RPTOR: variants seen among roughly 807,000 people sequenced by gnomAD.
RPTOR encodes regulatory-associated protein of mTOR.
Under a neutral mutation model 169.9 loss-of-function variants are expected in RPTOR, and 21 were observed. The ratio of observed to expected loss-of-function variants is 0.12; its 90% confidence interval spans 0.09 to 0.18. The LOEUF is 0.18. Among genes scored for constraint, RPTOR ranks in the 10% least tolerant of loss-of-function variants. The pLI is 1.00. For missense variants in RPTOR, 1,133 were observed against 1,855.9 expected (o/e 0.61, Z 7.16); for synonymous variants, 732 against 753.2 (o/e 0.97, Z 0.46).
rs2069297417 is a variant in RPTOR, at chr17:80,959,072, G to A, written c.3478-1006G>A. On this transcript the variant is annotated intron_variant, in intron 29 of 33. Coordinates refer to ENST00000306801, the MANE Select transcript of RPTOR (RefSeq NM_020761.3). This position sits in a 1 kb window ranked among gnomAD's most constrained non-coding sequence, Gnocchi z 6.7. The stretch of plus-strand genomic sequence containing the variant: ...GCAGGCCCAGCAGAGGGGAGGCCTG[G>A]GCACCCTCAGCTGCTCGAAGCTGCT... Among the ~76,000 whole-genome samples the A allele has an allele frequency of 6.6e-6, 1 of 152,240 alleles. No homozygotes were observed. Among genetic ancestry groups the A allele is most frequent in the South Asian group, 2.1e-4 (1 of 4,832 alleles).
chr17:80,624,373 A>C (rs970832262), intron 1 of RPTOR, among the ~76,000 whole-genome samples: 5 of 152,238 alleles, frequency 3.3e-5, no homozygotes, highest in African/African-American at 1.2e-4. Context: ...AGTTCAGTGC[A>C]ATTTTAATAA....
At chr17:80,830,970 C>T (rs2067497425) in intron 9 of RPTOR, among the ~76,000 whole-genome samples, 1 of 152,108 alleles carries the variant, frequency 6.6e-6, no homozygotes, top group African/African-American at 2.4e-5. Context: ...GTCTTGAACT[C>T]CTGAGCTCAG....
chr17:80,804,084 A>G (rs2067192169), intron 7 of RPTOR, among the ~76,000 whole-genome samples: 1 of 152,260 alleles, frequency 6.6e-6, no homozygotes, highest in African/African-American at 2.4e-5. Flanking sequence ...AGTCTGACTC[A>G]GACCACTGCA....
At chr17:80,597,216 C>T (rs1346846429) in intron 1 of RPTOR, among the ~76,000 whole-genome samples, 1 of 152,012 alleles carries the variant, frequency 6.6e-6, no homozygotes, top group African/African-American at 2.4e-5. Flanking sequence ...GGGAGAGCCT[C>T]GTAGAGGGGA....
At chr17:80,906,115 G>A (rs375870261) in intron 20 of RPTOR, among the ~76,000 whole-genome samples, 4 of 152,072 alleles carry the variant, frequency 2.6e-5, no homozygotes, top group South Asian at 2.1e-4. Context: ...GGAGCTAGGC[G>A]GTAGCGAACT....
At chr17:80,737,344 T>G (rs934769223) in intron 5 of RPTOR, among the ~76,000 whole-genome samples, 15 of 152,262 alleles carry the variant, frequency 9.9e-5, no homozygotes, top group African/African-American at 2.6e-4. Flanking sequence ...TTCTCTGGGC[T>G]CTAAATGACT....
intron 10 of RPTOR, 145 bp from the exon 11 acceptor site, chr17:80,846,328 C>A: frequency 2.7e-6 from 2 of 739,896 alleles, no homozygotes; most frequent in South Asian, 3.4e-5. Flanking sequence ...CCAGAGCGCC[C>A]GCTTCTCAGC....
chr17:80,624,719 A>G lies in RPTOR; in HGVS notation c.163-972A>G, dbSNP rs2065379781. Among the ~76,000 whole-genome samples the G allele has an allele frequency of 2.0e-5, 3 of 152,244 alleles. No homozygotes were observed. In the South Asian group the frequency reaches 6.2e-4, roughly 31 times the overall value. ...AAAATTAATCTTTATCTTGTATCATATACCAGAATAACATCCAGACGGCTT... is the reference window on the plus strand; with the variant it reads ...AAAATTAATCTTTATCTTGTATCATGTACCAGAATAACATCCAGACGGCTT... On this transcript the variant is annotated intron_variant, in intron 1 of 33. Transcript: ENST00000306801.
In RPTOR at chr17:80,646,159, A is replaced by G. The variant is rs961436441; in HGVS notation, c.348+2349A>G. Reference sequence around the variant, plus strand: ...AGAGTGGGATCTTTTGTCCCCATTCAGGAAGCAAAACCACAACAATGGACA... The same window carrying G: ...AGAGTGGGATCTTTTGTCCCCATTCGGGAAGCAAAACCACAACAATGGACA... On this transcript the variant is annotated intron_variant, in intron 3 of 33. Coordinates refer to ENST00000306801, the MANE Select transcript of RPTOR (RefSeq NM_020761.3). The surrounding 1 kb of genome is among the most constrained non-coding windows in gnomAD (Gnocchi z 5.0). Among the ~76,000 whole-genome samples, 2 of 152,232 alleles carry G rather than the reference A, an allele frequency of 1.3e-5. No homozygotes were observed. Among genetic ancestry groups the G allele is most frequent in the Non-Finnish European group, 1.5e-5 (1 of 68,036 alleles).
In RPTOR at chr17:80,940,580, G is replaced by A. The variant is rs373559321; in HGVS notation, c.3004G>A (p.Ala1002Thr). ...GCGAAACAGCCGTGTCAGGAGGCAG[G>A]CCCAGCAAGTCATTCAGAAGGGTAA... Reference protein sequence around the residue: ...FLRNSRVRRQAQQVIQKGITR... With the variant: ...FLRNSRVRRQTQQVIQKGITR... The change falls in exon 25 of 34, where the codon GCC becomes ACC. Residue 1002 changes from alanine to threonine, a missense_variant. Physicochemically the swap from Ala to Thr is moderately conservative, Grantham distance 58. Transcript: ENST00000306801. The A allele has an allele frequency of 9.9e-6, 16 of 1,611,834 alleles. No homozygotes were observed. Among genetic ancestry groups the A allele is most frequent in the Non-Finnish European group, 1.4e-5 (16 of 1,179,190 alleles).
At chr17:80,690,624 G>T (rs1434947756) in intron 3 of RPTOR, among the ~76,000 whole-genome samples, 1 of 152,052 alleles carries the variant, frequency 6.6e-6, no homozygotes, top group Non-Finnish European at 1.5e-5. Flanking sequence ...TTTCCTCTCG[G>T]TGGTGGACAC....
At chr17:80,761,453 C>G (rs891512997) in intron 6 of RPTOR, among the ~76,000 whole-genome samples, 10 of 152,180 alleles carry the variant, frequency 6.6e-5, no homozygotes, top group African/African-American at 2.4e-4. Flanking sequence ...TGGAAAGTTT[C>G]GCTCCTGCAT....
chr17:80,917,187 A>G (rs1350841638), intron 21 of RPTOR, among the ~76,000 whole-genome samples: 1 of 149,324 alleles, frequency 6.7e-6, no homozygotes, highest in East Asian at 2.0e-4. Context: ...ATCTCAGCTC[A>G]CTGCAACCTC....
rs534896544 is a variant in RPTOR at position 80,726,477 on chromosome 17, T to A, written c.508-4083T>A. Among the ~76,000 whole-genome samples the A allele has an allele frequency of 6.6e-6, 1 of 152,350 alleles. No individual in the cohort carries two copies. Among genetic ancestry groups the A allele is most frequent in the South Asian group, 2.1e-4 (1 of 4,822 alleles). On this transcript the variant is annotated intron_variant, in intron 4 of 33. Transcript: ENST00000306801. This position sits in a 1 kb window ranked among gnomAD's most constrained non-coding sequence, Gnocchi z 4.5. ...TTCCTGAACTTTGCATCTCAGAATT[T>A]AAAATGGAGATTTTGATTTTGATTT...
At chr17:80,940,378 G>C in intron 24 of RPTOR, 118 bp from the exon 25 acceptor site, 1 of 719,470 alleles carries the variant, frequency 1.4e-6, no homozygotes, top group Non-Finnish European at 2.3e-6. Flanking sequence ...CTTTCGTATT[G>C]GGGACTGAGC....
Position 80,947,094 on chromosome 17 carries a change from G to A in RPTOR, c.3141-133G>A. 1.2e-6 allele frequency: 1 copy of A among 829,422 alleles called. No individual in the cohort carries two copies. Among genetic ancestry groups the A allele is most frequent in the Non-Finnish European group, 1.8e-6 (1 of 567,066 alleles). The allele number at this position is 829,422 out of a possible 1,614,324, so 51.4% of individuals were successfully genotyped here. ...AGCCTCCCAAGTAGCTAGGATGACA[G>A]GTGTGAGCCGCCGTGCCCGGCTGTG... is the stretch of plus-strand genomic sequence containing the variant. On this transcript the variant is annotated intron_variant, in intron 26 of 33. Coordinates refer to ENST00000306801, the MANE Select transcript of RPTOR (RefSeq NM_020761.3). The surrounding 1 kb of genome is among the most constrained non-coding windows in gnomAD (Gnocchi z 4.4).
chr17:80,855,454 G>A lies in RPTOR; in HGVS notation c.1315-10G>A, dbSNP rs2044666118. The A allele has an allele frequency of 6.2e-7, 1 of 1,609,626 alleles. No individual in the cohort carries two copies. The highest frequency in any genetic ancestry group is 8.5e-7 in the Non-Finnish European group (1 of 1,175,960). ...TTTGCAGTGATACCATTTTCTTCTT[G>A]TTCTTCCAGGTGCTGTTAAGCCAAG... On this transcript the variant is annotated splice_polypyrimidine_tract_variant and intron_variant, in intron 11 of 33. Transcript: ENST00000306801.
intron 25 of RPTOR, among the ~76,000 whole-genome samples, chr17:80,943,527 G>A (rs527855333): frequency 1.4e-4 from 22 of 152,338 alleles, no homozygotes; most frequent in African/African-American, 5.0e-4. Flanking sequence ...AGATCGGGAG[G>A]CTGGGCTCCT....
rs569525830 is a variant in RPTOR at position 80,660,856 on chromosome 17, A to C, written c.348+17046A>C. On this transcript the variant is annotated intron_variant, in intron 3 of 33. Coordinates refer to ENST00000306801, the MANE Select transcript of RPTOR (RefSeq NM_020761.3). The stretch of plus-strand genomic sequence containing the variant: ...ATCTCCCCACCCTTCTCTCAGCAGG[A>C]GCCTCCCCCATACCACCCCAAGTCA... Among the ~76,000 whole-genome samples, 19 of 136,592 alleles carry C rather than the reference A, an allele frequency of 1.4e-4. No individual in the cohort carries two copies. In the South Asian group the frequency reaches 4.8e-3, roughly 35 times the overall value. 89.6% of individuals were successfully genotyped at this position (136,592 alleles called of 152,430 possible).
Sources: allele counts gnomAD v4.1 joint callset (sites outside exome capture counted in the v4.1 genomes callset), GRCh38; gene constraint gnomAD v4.1.1; non-coding constraint Gnocchi (gnomAD v3.1); transcripts MANE v1.5; gene names NCBI Gene and HGNC (gene_info 2026-07-23, HGNC 2026-07-21).